The following FAM193A variants were observed in gnomAD, a reference collection of about 807,000 sequenced individuals.
FAM193A encodes the protein protein FAM193A.
Under a neutral mutation model 126.5 loss-of-function variants are expected in FAM193A, and 22 were observed. The observed-to-expected ratio is 0.17, with a 90% CI of 0.12 to 0.25. The LOEUF (loss-of-function observed/expected upper bound fraction) is 0.25. Ranked by LOEUF, FAM193A falls within the 10% of genes least tolerant of loss-of-function variation. The probability of loss-of-function intolerance (pLI) is 1.00; values close to 1 mark genes in which losing one functional copy is unlikely to be tolerated. For synonymous variants in FAM193A, 761 were observed against 646.8 expected, an observed-to-expected ratio of 1.18 and a Z score of -2.68; for missense variants, 1,675 against 1,672.8, an observed-to-expected ratio of 1.00 and a Z score of -0.02.
At chr4:2,567,867 A>G (rs1739060811) in intron 1 of FAM193A, among the ~76,000 whole-genome samples, 1 of 152,178 alleles carries the variant, frequency 6.6e-6, no homozygotes, top group East Asian at 1.9e-4. Flanking sequence ...CACCTCAATC[A>G]TCTCTCCAGG....
chr4:2,591,965 A>G (rs908145135), intron 1 of FAM193A, among the ~76,000 whole-genome samples: 2 of 152,190 alleles, frequency 1.3e-5, no homozygotes, highest in African/African-American at 4.8e-5. Flanking sequence ...CTCCTATGCA[A>G]AAATTTCTGG....
chr4:2,679,382 T>C (rs796778553), intron 13 of FAM193A, among the ~76,000 whole-genome samples: 1,367 of 125,984 alleles, frequency 0.011, 16 homozygotes, highest in African/African-American at 0.048. Flanking sequence ...TTTCTTTTTT[T>C]TTTTTTTTTT....
intron 13 of FAM193A, among the ~76,000 whole-genome samples, chr4:2,681,420 A>T (rs1715105873): frequency 6.6e-6 from 1 of 151,672 alleles, no homozygotes; most frequent in Non-Finnish European, 1.5e-5. Context: ...ATTCATTAAG[A>T]TGTGAAGTTA....
intron 1 of FAM193A, among the ~76,000 whole-genome samples, chr4:2,573,740 T>A (rs1739424813): frequency 6.6e-6 from 1 of 152,102 alleles, no homozygotes; most frequent in African/African-American, 2.4e-5. Flanking sequence ...ACTTTCCAGC[T>A]GGGGAGGCTG....
rs1435583708 is a variant in FAM193A, at chr4:2,659,550, TC to T, written c.1390-6del. On this transcript the variant is annotated splice_region_variant and splice_polypyrimidine_tract_variant and intron_variant, in intron 8 of 20. Coordinates refer to ENST00000637812, the MANE Select transcript of FAM193A (RefSeq NM_001366318.2). ...TGCAAGATTAAAGCATTTTAAAATT[TC>T]CTCTAGTTAACCAATAAGAAAGCAG... 1 of 1,596,002 alleles carries T rather than the reference TC, an allele frequency of 6.3e-7. No individual in the cohort carries two copies. The highest frequency in any genetic ancestry group is 1.3e-5 in the African/African-American group (1 of 74,500).
intron 10 of FAM193A, among the ~76,000 whole-genome samples, chr4:2,662,054 G>C (rs1318466667): frequency 6.6e-6 from 1 of 152,108 alleles, no homozygotes; most frequent in Non-Finnish European, 1.5e-5. Context: ...GTGGTGGCGG[G>C]TGCTTGTAGT....
intron 20 of FAM193A, among the ~76,000 whole-genome samples, chr4:2,731,569 C>T (rs1196586930): frequency 6.6e-6 from 1 of 152,046 alleles, no homozygotes; most frequent in Non-Finnish European, 1.5e-5. Flanking sequence ...CCACCCATTC[C>T]TCCTCCCGAG....
In FAM193A at chr4:2,539,839, C is replaced by T. The variant is rs1291595867; in HGVS notation, c.255+2669C>T. Among the ~76,000 whole-genome samples the T allele has an allele frequency of 2.0e-5, 3 of 152,138 alleles. No individual in the cohort carries two copies. In the East Asian group the frequency reaches 5.8e-4, roughly 29 times the overall value. Reference sequence around the variant, plus strand: ...TAGGGCCGGGCACCGTGGCTCATGCCTGTAATTCCAGCACTTCGGGAGGCC... The same window carrying T: ...TAGGGCCGGGCACCGTGGCTCATGCTTGTAATTCCAGCACTTCGGGAGGCC... On this transcript the variant is annotated intron_variant, in intron 1 of 20. Coordinates refer to ENST00000637812, the MANE Select transcript of FAM193A (RefSeq NM_001366318.2).
intron 13 of FAM193A, among the ~76,000 whole-genome samples, chr4:2,677,136 G>A (rs1215466588): frequency 6.6e-6 from 1 of 152,066 alleles, no homozygotes; most frequent in Admixed American, 6.6e-5. Context: ...ATGGTGTTAG[G>A]TAAGGGTCCA....
chr4:2,659,493 A>G, intron 8 of FAM193A, 65 bp from the exon 9 acceptor site: 4 of 1,132,312 alleles, frequency 3.5e-6, no homozygotes, highest in Non-Finnish European at 5.3e-6. Flanking sequence ...GAATTACTGA[A>G]AAATAATGAG....
chr4:2,716,772 G>C (rs1415748557), intron 20 of FAM193A, among the ~76,000 whole-genome samples: 1 of 152,084 alleles, frequency 6.6e-6, no homozygotes, highest in African/African-American at 2.4e-5. Context: ...TGCCTCCCGG[G>C]TTCAAGCAAT....
intron 1 of FAM193A, among the ~76,000 whole-genome samples, chr4:2,577,422 G>GTTTTTTTT (rs986931980): frequency 2.6e-5 from 3 of 115,542 alleles, no homozygotes; most frequent in Non-Finnish European, 3.4e-5. Context: ...TTTTTTTTTT[G>GTTTTTTTT]TTTTTTTTTT....
At chr4:2,603,615 CCTGA>C (rs750587295) in intron 2 of FAM193A, among the ~76,000 whole-genome samples, 1 of 151,124 alleles carries the variant, frequency 6.6e-6, no homozygotes, top group African/African-American at 2.4e-5. Context: ...TGCCACCACG[CCTGA>C]CTAATTTTTT....
At chr4:2,664,091 T>C (rs1470906260) in intron 12 of FAM193A, among the ~76,000 whole-genome samples, 4 of 152,244 alleles carry the variant, frequency 2.6e-5, no homozygotes, top group Non-Finnish European at 5.9e-5. Flanking sequence ...GTAAAGGTGA[T>C]GTTGAAAGGT....
At chr4:2,675,043 G>A (rs1029102021) in intron 13 of FAM193A, among the ~76,000 whole-genome samples, 1 of 152,042 alleles carries the variant, frequency 6.6e-6, no homozygotes, top group African/African-American at 2.4e-5. Flanking sequence ...AAATATTTGG[G>A]GATCTCCCAA....
intron 13 of FAM193A, among the ~76,000 whole-genome samples, chr4:2,675,447 T>C (rs954235433): frequency 6.6e-6 from 1 of 152,214 alleles, no homozygotes; most frequent in East Asian, 1.9e-4. Flanking sequence ...GGCACACACA[T>C]TGAGAATTGT....
chr4:2,543,686 A>G (rs1370271436), intron 1 of FAM193A, among the ~76,000 whole-genome samples: 1 of 151,710 alleles, frequency 6.6e-6, no homozygotes, highest in African/African-American at 2.4e-5. Context: ...GAGAAACCCC[A>G]TCTCTACTAA....
intron 2 of FAM193A, among the ~76,000 whole-genome samples, chr4:2,607,083 A>G (rs1741592112): frequency 6.6e-6 from 1 of 152,226 alleles, no homozygotes; most frequent in Admixed American, 6.5e-5. Flanking sequence ...GCACAGTGAG[A>G]TTCCTCGAGG....
Position 2,716,064 on chromosome 4 carries a change from G to C in FAM193A, c.4414G>C (p.Asp1472His), listed in dbSNP as rs1719498618. The C allele has an allele frequency of 6.2e-7, 1 of 1,608,496 alleles. No individual in the cohort carries two copies. The highest frequency in any genetic ancestry group is 8.5e-7 in the Non-Finnish European group (1 of 1,174,910). Residue 1472 changes from aspartate (D) to histidine (H), a missense_variant, in exon 20 of 21, where the codon GAT becomes CAT. Asp to His is a moderately conservative substitution (Grantham distance 81). Coordinates refer to ENST00000637812, the MANE Select transcript of FAM193A (RefSeq NM_001366318.2). Reference sequence around the variant, plus strand: ...TAAAGATATTGACCTAGACAGTGTGGATATGGATGAGACAGAGAGGGAAGT... The same window carrying C: ...TAAAGATATTGACCTAGACAGTGTGCATATGGATGAGACAGAGAGGGAAGT... ...LPKDIDLDSVDMDETEREVEY... is the reference protein window; with the variant it reads ...LPKDIDLDSVHMDETEREVEY...
Sources: gnomAD v4.1 joint callset for allele counts (sites outside exome capture counted in the v4.1 genomes callset) on GRCh38, gnomAD v4.1.1 for gene constraint, MANE v1.5 for transcripts, NCBI Gene and HGNC (gene_info 2026-07-23, HGNC 2026-07-21) for gene names.